Variants in HACD3 observed in about 807,000 individuals in gnomAD.
HACD3 encodes very-long-chain (3R)-3-hydroxyacyl-CoA dehydratase 3.
Under a neutral mutation model 55.2 loss-of-function variants are expected in HACD3, and 30 were observed. The ratio of observed to expected loss-of-function variants is 0.54; its 90% CI spans 0.41 to 0.74. HACD3 has a LOEUF of 0.74. HACD3 is among the 30% of genes least tolerant of loss of function. HACD3 has a pLI of 0.00. For synonymous variants in HACD3, 141 were observed against 151.7 expected, an observed-to-expected ratio of 0.93 and a Z score of 0.52; for missense variants, 363 against 440.1, an observed-to-expected ratio of 0.82 and a Z score of 1.57.
At chr15:65,553,435 G>C (rs879617798) in intron 2 of HACD3, among the ~76,000 whole-genome samples, 31 of 152,114 alleles carry the variant, frequency 2.0e-4, no homozygotes, top group African/African-American at 7.2e-4. Context: ...TACTGGAGAG[G>C]GTGGGATTTC....
chr15:65,570,153 A>T lies in HACD3; in HGVS notation c.723A>T (p.Lys241Asn). The T allele has an allele frequency of 6.2e-7, 1 of 1,613,294 alleles. No homozygotes were observed. The highest frequency in any genetic ancestry group is 1.1e-5 in the South Asian group (1 of 90,966). The change falls in exon 8 of 11, where the codon AAA becomes AAT. Residue 241 changes from lysine to asparagine, a missense_variant. Physicochemically the swap from Lys to Asn is moderately conservative, Grantham distance 94 (BLOSUM62 0). Coordinates refer to ENST00000261875, the MANE Select transcript of HACD3 (RefSeq NM_016395.4). ...IFGTMEEMQN[K>N]AVVFFVFYLW... ...GCACCATGGAAGAAATGCAGAACAAAGCTGTGGTTTTCTTTGTGTTTTATT... is the reference window on the plus strand; with the variant it reads ...GCACCATGGAAGAAATGCAGAACAATGCTGTGGTTTTCTTTGTGTTTTATT...
chr15:65,563,400 G>T (rs1213315120), intron 6 of HACD3, among the ~76,000 whole-genome samples: 4 of 152,174 alleles, frequency 2.6e-5, no homozygotes, highest in Non-Finnish European at 5.9e-5. Flanking sequence ...ATGCCAATGG[G>T]AAATTTTTGA....
chr15:65,571,753 GA>G, intron 9 of HACD3, 99 bp downstream of exon 9: 1 of 903,806 alleles, frequency 1.1e-6, no homozygotes, highest in South Asian at 1.7e-5. Context: ...CCGATAAATG[GA>G]AATGTTGGAT....
Position 65,562,781 on chromosome 15 carries a change from A to G in HACD3, c.429A>G (p.Thr143=). 6.2e-7 allele frequency: 1 copy of G among 1,613,770 alleles called. No homozygotes were observed. Among genetic ancestry groups the G allele is most frequent in the African/African-American group, 1.3e-5 (1 of 75,034 alleles). Residue 143 remains threonine, a synonymous_variant, in exon 6 of 11, where the codon ACA becomes ACG. Coordinates refer to ENST00000261875, the MANE Select transcript of HACD3 (RefSeq NM_016395.4). The part of the protein sequence containing the change: ...LESEGSPETL[T]NLRKGYLFMY... ...CTTTGCTTTGCTTTACAGCTCTTAC[A>G]AACTTAAGGAAAGGATACCTGTTTA...
At chr15:65,574,744 G>T (rs2072384618) in intron 10 of HACD3, among the ~76,000 whole-genome samples, 2 of 152,142 alleles carry the variant, frequency 1.3e-5, no homozygotes, top group Non-Finnish European at 2.9e-5. Context: ...TCAGCAAAGG[G>T]TATAATCCAT....
intron 10 of HACD3, chr15:65,574,465 A>G (rs901012725): frequency 2.6e-5 from 4 of 152,232 alleles, no homozygotes; most frequent in Non-Finnish European, 2.9e-5. Flanking sequence ...GGGACTACAC[A>G]AAGGTATGAA....
intron 7 of HACD3, chr15:65,566,606 T>C (rs1596217297): frequency 6.6e-6 from 1 of 152,370 alleles, no homozygotes; most frequent in Non-Finnish European, 1.5e-5. Flanking sequence ...TACCTCCCCC[T>C]GGGTCCCTTC....
chr15:65,548,735 G>A (rs1287448706), intron 1 of HACD3, among the ~76,000 whole-genome samples: 1 of 151,880 alleles, frequency 6.6e-6, no homozygotes, highest in Non-Finnish European at 1.5e-5. Flanking sequence ...ACCACACTTG[G>A]CTAATTTTTT....
rs563194423 is a variant in HACD3, at chr15:65,540,149, T to G, written c.87+9431T>G. On this transcript the variant is annotated intron_variant, in intron 1 of 10. Transcript: ENST00000261875. ...CTATATTTTTCTGTTTGATTTTGCT[T>G]GAAATATTTAATAATAGAAATCAAT... Among the ~76,000 whole-genome samples, 3 of 152,316 alleles carry G rather than the reference T, an allele frequency of 2.0e-5. No homozygotes were observed. In the East Asian group the frequency reaches 5.8e-4, roughly 29 times the overall value.
intron 3 of HACD3, among the ~76,000 whole-genome samples, 168 bp downstream of exon 3, chr15:65,555,128 A>G (rs1342401966): frequency 1.3e-5 from 2 of 152,224 alleles, no homozygotes; most frequent in African/African-American, 4.8e-5. Flanking sequence ...GAGGAATGGG[A>G]AAGTCAGAGA....
At chr15:65,566,244 C>G (rs1031189842) in intron 7 of HACD3, 3 of 156,500 alleles carry the variant, frequency 1.9e-5, no homozygotes, top group African/African-American at 7.2e-5. Flanking sequence ...GTTCCAACCT[C>G]TGTCTGTTAC....
At chr15:65,540,277 T>C (rs895056952) in intron 1 of HACD3, among the ~76,000 whole-genome samples, 5 of 152,226 alleles carry the variant, frequency 3.3e-5, no homozygotes, top group Non-Finnish European at 7.3e-5. Context: ...GGCACAGTGC[T>C]AAGTACTAGA....
intron 1 of HACD3, among the ~76,000 whole-genome samples, chr15:65,547,496 A>C (rs2072089538): frequency 6.6e-6 from 1 of 152,226 alleles, no homozygotes; most frequent in African/African-American, 2.4e-5. Context: ...TCCTAGAAGG[A>C]AAGTTGATAT....
At chr15:65,544,176 C>G (rs2072050046) in intron 1 of HACD3, among the ~76,000 whole-genome samples, 1 of 150,018 alleles carries the variant, frequency 6.7e-6, no homozygotes, top group African/African-American at 2.5e-5. Context: ...GACTCCATCT[C>G]AAAAAAAAGA....
chr15:65,570,446 G>A (rs1171266958), intron 8 of HACD3, among the ~76,000 whole-genome samples: 1 of 152,204 alleles, frequency 6.6e-6, no homozygotes, highest in Admixed American at 6.5e-5. Flanking sequence ...AGAAAGGGAA[G>A]ACTCATCTTA....
chr15:65,532,637 A>G lies in HACD3; in HGVS notation c.87+1919A>G, dbSNP rs191379164. ...ACAAGAGTGAAACTCTGTCTCAAAAAAAAAAAAAAAAAAGTAACCATCTAA... is the reference window on the plus strand; with the variant it reads ...ACAAGAGTGAAACTCTGTCTCAAAAGAAAAAAAAAAAAAGTAACCATCTAA... On this transcript the variant is annotated intron_variant, in intron 1 of 10. Coordinates refer to ENST00000261875, the MANE Select transcript of HACD3 (RefSeq NM_016395.4). Among the ~76,000 whole-genome samples the G allele has an allele frequency of 3.0e-3, 460 of 151,928 alleles. 1 individual carries two copies. The highest frequency in any genetic ancestry group is 0.011 in the African/African-American group (443 of 41,518).
chr15:65,571,629 A>C lies in HACD3; in HGVS notation c.855A>C (p.Leu285Phe). Residue 285 changes from leucine (L) to phenylalanine (F), a missense_variant, in exon 9 of 11, where the codon TTA becomes TTC. By Grantham distance (22) the Leu-to-Phe change is conservative. Coordinates refer to ENST00000261875, the MANE Select transcript of HACD3 (RefSeq NM_016395.4). ...TWLRYTLWIP[L>F]YPLGCLAEAV... ...TTCGTTACACTCTGTGGATTCCCTT[A>C]TATCCACTGGGATGTTTGGCGGAAG... 6.2e-7 allele frequency: 1 copy of C among 1,613,142 alleles called. No individual in the cohort carries two copies. Among genetic ancestry groups the C allele is most frequent in the Non-Finnish European group, 8.5e-7 (1 of 1,179,194 alleles).
At chr15:65,549,395 G>C (rs552363088) in intron 1 of HACD3, among the ~76,000 whole-genome samples, 2 of 136,790 alleles carry the variant, frequency 1.5e-5, no homozygotes, top group African/African-American at 5.5e-5. Context: ...AGACCAGCCT[G>C]ACCAATATGG....
chr15:65,558,804 T>C, intron 5 of HACD3, 73 bp downstream of exon 5: 17 of 1,495,048 alleles, frequency 1.1e-5, no homozygotes, highest in Non-Finnish European at 1.6e-5. Context: ...AATTGTGATG[T>C]GGCAGGAGAG....
Sources: gnomAD v4.1 joint callset for allele counts (sites outside exome capture counted in the v4.1 genomes callset) on GRCh38, gnomAD v4.1.1 for gene constraint, MANE v1.5 for transcripts, NCBI Gene and HGNC (gene_info 2026-07-23, HGNC 2026-07-21) for gene names.